Variants in DTD1 observed in about 807,000 individuals in gnomAD.
DTD1 encodes the protein D-aminoacyl-tRNA deacylase 1.
A neutral mutation model predicts 25.6 loss-of-function variants in DTD1; 13 were observed. The ratio of observed to expected loss-of-function variants is 0.51; its 90% CI spans 0.33 to 0.81. DTD1 has a LOEUF of 0.81. DTD1 is among the 30% of genes least tolerant of loss of function. DTD1 has a pLI of 0.02. For missense variants in DTD1, 193 were observed against 266.4 expected, an observed-to-expected ratio of 0.72 and a Z score of 1.92; for synonymous variants, 110 against 103.6, an observed-to-expected ratio of 1.06 and a Z score of -0.37.
At chr20:18,621,028 AT>A (rs2060731853) in intron 3 of DTD1, among the ~76,000 whole-genome samples, 1 of 152,254 alleles carries the variant, frequency 6.6e-6, no homozygotes, top group African/African-American at 2.4e-5. Context: ...ATAACATACT[AT>A]TGACTAAACT....
At chr20:18,639,415 AAAAG>A (rs773699168) in intron 4 of DTD1, among the ~76,000 whole-genome samples, 20 of 152,218 alleles carry the variant, frequency 1.3e-4, no homozygotes, top group Non-Finnish European at 2.9e-4. Context: ...GCTTGTCAGA[AAAAG>A]AAAGATTTAT....
chr20:18,628,435 G>A (rs1418848546), intron 4 of DTD1, among the ~76,000 whole-genome samples: 3 of 152,142 alleles, frequency 2.0e-5, no homozygotes, highest in Non-Finnish European at 2.9e-5. Flanking sequence ...CCCTTGCCTC[G>A]TCCTGCCTTT....
chr20:18,641,238 G>A (rs1025768286), intron 4 of DTD1, among the ~76,000 whole-genome samples: 29 of 152,156 alleles, frequency 1.9e-4, no homozygotes, highest in African/African-American at 6.5e-4. Flanking sequence ...CTATCCATTC[G>A]TTTATCCATG....
At chr20:18,745,223 A>G (rs1373140112) in intron 5 of DTD1, among the ~76,000 whole-genome samples, 1 of 152,186 alleles carries the variant, frequency 6.6e-6, no homozygotes, top group Non-Finnish European at 1.5e-5. Flanking sequence ...TACTTTTCCT[A>G]AAATGGCATT....
In DTD1 at chr20:18,661,784, G is replaced by A. The variant is rs531516817; in HGVS notation, c.477+33551G>A. On this transcript the variant is annotated intron_variant, in intron 4 of 5. Transcript: ENST00000377452. ...ACCTACAAATCAATAAGGAAAAAAA[G>A]GCTGAAGAGCCATAGGAAACGGAGA... is the stretch of plus-strand genomic sequence containing the variant. Among the ~76,000 whole-genome samples, 548 of 152,300 alleles carry A rather than the reference G, an allele frequency of 3.6e-3. 2 individuals are homozygous for A. Among genetic ancestry groups the A allele is most frequent in the African/African-American group, 0.012 (514 of 41,550 alleles).
At position 18,765,047 on chromosome 20, in the gene DTD1, ATGG is replaced by A. The variant is rs201982080; in HGVS notation, c.*1712_*1714del. On this transcript the variant is annotated 3_prime_UTR_variant, in exon 6 of 6. Transcript: ENST00000377452. ...ACGACCTAAGGATCATGACATTTGGATGGTGGTAAAATGCTAAAGGCCTTTGTT... is the reference window on the plus strand; with the variant it reads ...ACGACCTAAGGATCATGACATTTGGATGGTAAAATGCTAAAGGCCTTTGTT... The A allele has an allele frequency of 9.9e-3, 1,510 of 152,248 alleles. 11 individuals are homozygous for A. The highest frequency in any genetic ancestry group is 0.016 in the Non-Finnish European group (1,122 of 68,034). The allele number at this position is 152,248 out of a possible 1,614,324, so 9.4% of individuals were successfully genotyped here.
At chr20:18,659,056 A>G (rs2060899845) in intron 4 of DTD1, among the ~76,000 whole-genome samples, 1 of 151,934 alleles carries the variant, frequency 6.6e-6, no homozygotes, top group Non-Finnish European at 1.5e-5. Flanking sequence ...TAAGATATCT[A>G]AATGAATTCT....
intron 4 of DTD1, among the ~76,000 whole-genome samples, chr20:18,647,705 C>T (rs1333767349): frequency 6.6e-6 from 1 of 151,966 alleles, no homozygotes; most frequent in East Asian, 1.9e-4. Context: ...TGGTAAGGAG[C>T]TTGTACTTTT....
intron 4 of DTD1, among the ~76,000 whole-genome samples, chr20:18,696,802 C>T (rs1261791400): frequency 1.3e-5 from 2 of 151,974 alleles, no homozygotes; most frequent in African/African-American, 2.4e-5. Flanking sequence ...GATACGCCCA[C>T]CTCGGCCTCC....
intron 5 of DTD1, among the ~76,000 whole-genome samples, chr20:18,757,635 G>T (rs1309195496): frequency 6.6e-6 from 1 of 152,218 alleles, no homozygotes; most frequent in African/African-American, 2.4e-5. Flanking sequence ...CTTGATCGTG[G>T]TGGATAAGTT....
At chr20:18,713,434 G>T (rs910133789) in intron 4 of DTD1, among the ~76,000 whole-genome samples, 1 of 152,188 alleles carries the variant, frequency 6.6e-6, no homozygotes, top group Non-Finnish European at 1.5e-5. Context: ...CCTGCTTCCT[G>T]CTTCCTTTAG....
At chr20:18,695,257 G>A (rs1225897542) in intron 4 of DTD1, among the ~76,000 whole-genome samples, 1 of 151,870 alleles carries the variant, frequency 6.6e-6, no homozygotes, top group Non-Finnish European at 1.5e-5. Flanking sequence ...GGGAGAAAAT[G>A]AGATTGATAC....
At chr20:18,721,016 A>T (rs913055148) in intron 4 of DTD1, among the ~76,000 whole-genome samples, 1 of 152,184 alleles carries the variant, frequency 6.6e-6, no homozygotes, top group Non-Finnish European at 1.5e-5. Flanking sequence ...GTAGATAGTC[A>T]TGCCATCTGA....
chr20:18,749,145 G>T lies in DTD1; in HGVS notation c.*19+4874G>T, dbSNP rs1333734300. ...AAGGCCCCTGGCATGTTCTGGCTGTGCTCCAGGCTGGGATCCTTGGAGTGG... is the reference window on the plus strand; with the variant it reads ...AAGGCCCCTGGCATGTTCTGGCTGTTCTCCAGGCTGGGATCCTTGGAGTGG... On this transcript the variant is annotated intron_variant, in intron 5 of 5. Coordinates refer to ENST00000377452, the MANE Select transcript of DTD1 (RefSeq NM_080820.6). This position sits in a 1 kb window ranked among gnomAD's most constrained non-coding sequence, Gnocchi z 4.2. Among the ~76,000 whole-genome samples the T allele has an allele frequency of 6.6e-6, 1 of 152,184 alleles. No individual in the cohort carries two copies. The highest frequency in any genetic ancestry group is 1.5e-5 in the Non-Finnish European group (1 of 68,038).
chr20:18,712,904 A>G (rs1401105299), intron 4 of DTD1, among the ~76,000 whole-genome samples: 3 of 152,252 alleles, frequency 2.0e-5, no homozygotes, highest in Non-Finnish European at 4.4e-5. Flanking sequence ...ATAAGGTACC[A>G]GTTTCATCAG....
chr20:18,759,566 A>G (rs974848477), intron 5 of DTD1, among the ~76,000 whole-genome samples: 7 of 151,976 alleles, frequency 4.6e-5, no homozygotes, highest in Non-Finnish European at 1.0e-4. Flanking sequence ...ATTGGCCCCC[A>G]CTCTCTTCTA....
chr20:18,596,818 A>G (rs1051164982), intron 3 of DTD1, among the ~76,000 whole-genome samples: 3 of 151,790 alleles, frequency 2.0e-5, no homozygotes, highest in East Asian at 1.9e-4. Context: ...GAGATATTCC[A>G]TATATCTCTG....
intron 3 of DTD1, chr20:18,620,020 C>A (rs1477331113): frequency 2.0e-5 from 3 of 150,958 alleles, no homozygotes; most frequent in African/African-American, 4.9e-5. Context: ...AATTTCATTT[C>A]TATCTATTCT....
intron 4 of DTD1, among the ~76,000 whole-genome samples, chr20:18,636,944 C>G (rs2060809788): frequency 6.6e-6 from 1 of 152,192 alleles, no homozygotes; most frequent in Admixed American, 6.5e-5. Flanking sequence ...TGGGCCCACC[C>G]AGGTTTTCTG....
Sources: gnomAD v4.1 joint callset for allele counts (sites outside exome capture counted in the v4.1 genomes callset) on GRCh38, gnomAD v4.1.1 for gene constraint, Gnocchi (gnomAD v3.1) non-coding constraint, MANE v1.5 for transcripts, NCBI Gene and HGNC (gene_info 2026-07-23, HGNC 2026-07-21) for gene names.